The following BCORL1 variants were observed in gnomAD, a reference collection of about 807,000 sequenced individuals.
BCORL1 encodes the protein BCL-6 corepressor-like protein 1.
In BCORL1, 7 loss-of-function variants were observed where a neutral mutation model predicts 87.6. The ratio of observed to expected loss-of-function variants is 0.08; its 90% CI spans 0.05 to 0.15. The LOEUF (loss-of-function observed/expected upper bound fraction) is 0.15, where lower values mean the gene tolerates loss of function less well. Among genes scored for constraint, BCORL1 ranks in the 10% least tolerant of loss-of-function variants. BCORL1 has a pLI of 1.00. For synonymous variants in BCORL1, 591 were observed against 634.4 expected, an observed-to-expected ratio of 0.93 and a Z score of 1.03; for missense variants, 1,215 against 1,499.7, an observed-to-expected ratio of 0.81 and a Z score of 3.13.
At position 130,041,869 on chromosome X, in the gene BCORL1, C is replaced by T. The variant is rs1305936362; in HGVS notation, c.4840+2587C>T. Among the ~76,000 whole-genome samples the T allele has an allele frequency of 3.6e-5, 4 of 111,819 alleles. No individual in the cohort carries two copies. The South Asian group carries it at 1.5e-3, about 42-fold the overall frequency. The stretch of plus-strand genomic sequence containing the variant: ...GTCTCGATCTCCTGACCTCGTGATC[C>T]GCCCGCCTCGGCCTCCCAAAGTGCT... On this transcript the variant is annotated intron_variant, in intron 11 of 13. Coordinates refer to ENST00000540052, the MANE Select transcript of BCORL1 (RefSeq NM_001379451.1).
chrX:129,984,699 G>C (rs1324393158), intron 1 of BCORL1, among the ~76,000 whole-genome samples: 1 of 111,317 alleles, frequency 9.0e-6, no homozygotes, highest in Non-Finnish European at 1.9e-5. Flanking sequence ...GATTGTTGTA[G>C]GGAAAGACGT....
chrX:130,007,450 C>G (rs1424314270), intron 2 of BCORL1, among the ~76,000 whole-genome samples: 1 of 112,321 alleles, frequency 8.9e-6, no homozygotes, highest in African/African-American at 3.2e-5. Context: ...TCATGTTGAC[C>G]TAGTTATAAG....
chrX:130,047,844 C>T (rs1347257395), intron 11 of BCORL1, among the ~76,000 whole-genome samples: 1 of 111,391 alleles, frequency 9.0e-6, no homozygotes, highest in African/African-American at 3.3e-5. Flanking sequence ...AGGCATGGTC[C>T]CTGTCTTTTT....
At chrX:130,002,441 C>G (rs369819263) in intron 1 of BCORL1, among the ~76,000 whole-genome samples, 6 of 102,767 alleles carry the variant, frequency 5.8e-5, no homozygotes. Context: ...GTGGGGGAAG[C>G]CAGAGAGAGC....
At chrX:130,029,650 T>TC (rs1199688437) in intron 8 of BCORL1, among the ~76,000 whole-genome samples, 1 of 105,091 alleles carries the variant, frequency 9.5e-6, no homozygotes, top group East Asian at 3.0e-4. Flanking sequence ...TTTTTTTTTT[T>TC]CTCTCTCTCT....
chrX:130,012,659 T>C lies in BCORL1; in HGVS notation c.168T>C (p.Ser56=). The C allele has an allele frequency of 8.3e-7, 1 of 1,208,979 alleles. No individual in the cohort carries two copies. The highest frequency in any genetic ancestry group is 1.1e-6 in the Non-Finnish European group (1 of 893,604). ...CTCAGGAGTTTTGTGTCAGCAGCAG[T>C]TTTTCCAAGGTAAGAGGCTTTATGG... ...FGSQEFCVSS[S]FSKVELTAVG... The change falls in exon 3 of 14, where the codon AGT becomes AGC. Residue 56 remains serine (S), a synonymous_variant. Coordinates refer to ENST00000540052, the MANE Select transcript of BCORL1 (RefSeq NM_001379451.1).
At chrX:130,054,548 TGAGA>T (rs1251368582) in intron 13 of BCORL1, among the ~76,000 whole-genome samples, 1 of 109,835 alleles carries the variant, frequency 9.1e-6, no homozygotes, top group South Asian at 3.9e-4. Flanking sequence ...TGTGTGTGTG[TGAGA>T]GAGAGACAGA....
At chrX:129,989,967 G>C (rs1274049994) in intron 1 of BCORL1, among the ~76,000 whole-genome samples, 1 of 109,216 alleles carries the variant, frequency 9.2e-6, no homozygotes, top group Non-Finnish European at 1.9e-5. Flanking sequence ...TGTATTTTTA[G>C]TAGAGATGGG....
rs1483534837 is a variant in BCORL1, at chrX:130,057,402, C to G, written c.*1266C>G. The G allele has an allele frequency of 1.1e-4, 12 of 111,837 alleles. No homozygotes were observed. In the East Asian group the frequency reaches 1.1e-3, roughly 11 times the overall value. 9.2% of individuals were successfully genotyped at this position (111,837 alleles called of 1,213,427 possible). ...TCTGGGCCTCCAGCGCTGGGTTTGTCGAGTGAGAGAGAGAGAGGAGCTTGG... is the reference window on the plus strand; with the variant it reads ...TCTGGGCCTCCAGCGCTGGGTTTGTGGAGTGAGAGAGAGAGAGGAGCTTGG... On this transcript the variant is annotated 3_prime_UTR_variant, in exon 14 of 14. Transcript: ENST00000540052.
upstream of BCORL1, chrX:129,981,307 T>G (rs939862851): frequency 2.7e-5 from 3 of 111,327 alleles, no homozygotes; most frequent in Admixed American, 9.4e-5. Context: ...GCCTTCCCCC[T>G]TCTTCAGCCA....
At chrX:130,032,884 T>C (rs5977193) in intron 8 of BCORL1, among the ~76,000 whole-genome samples, 11,144 of 107,289 alleles carry the variant, frequency 0.1, 1,474 homozygotes, top group African/African-American at 0.36. Context: ...GCCTCAGCCT[T>C]TCGAATAGCT....
rs775528040 is a variant in BCORL1, at chrX:130,015,951, T to C, written c.3179T>C (p.Phe1060Ser). ...KMEKVDGDVV[F>S]NLATCFRADG... ...GAGAAGGTGGATGGTGATGTGGTCT[T>C]CAATTTAGCCACCTGCTTCCGGGCT... Residue 1060 changes from phenylalanine to serine, a missense_variant, in exon 4 of 14, where the codon TTC becomes TCC. By Grantham distance (155) the Phe-to-Ser change is radical. Transcript: ENST00000540052. 1.7e-6 allele frequency: 2 copies of C among 1,211,583 alleles called. No individual in the cohort carries two copies. The highest frequency in any genetic ancestry group is 2.2e-6 in the Non-Finnish European group (2 of 895,509).
intron 1 of BCORL1, among the ~76,000 whole-genome samples, chrX:129,997,290 TG>T (rs1927633530): frequency 1.8e-5 from 2 of 111,506 alleles, no homozygotes; most frequent in Non-Finnish European, 3.8e-5. Flanking sequence ...TGTTTCAGTT[TG>T]GCCCATGATG....
chrX:130,050,951 G>A (rs1932037307), intron 12 of BCORL1, among the ~76,000 whole-genome samples, 157 bp downstream of exon 12: 1 of 111,495 alleles, frequency 9.0e-6, no homozygotes, highest in Non-Finnish European at 1.9e-5. Context: ...GTCATTTGTC[G>A]AAACTGGGAA....
intron 1 of BCORL1, among the ~76,000 whole-genome samples, chrX:129,983,795 G>T (rs1187923345): frequency 1.8e-5 from 2 of 110,454 alleles, no homozygotes; most frequent in Non-Finnish European, 3.8e-5. Context: ...GCAAGCCAGA[G>T]GGGAGATCCG....
intron 1 of BCORL1, among the ~76,000 whole-genome samples, chrX:129,988,456 C>CT (rs907795763): frequency 2.5e-4 from 27 of 108,594 alleles, no homozygotes; most frequent in East Asian, 2.3e-3. Context: ...AAAAAAGGAT[C>CT]TTTTTTTTAA....
chrX:129,999,549 C>G (rs1008333088), intron 1 of BCORL1, among the ~76,000 whole-genome samples: 1 of 109,892 alleles, frequency 9.1e-6, no homozygotes, highest in Non-Finnish European at 1.9e-5. Context: ...CTCAAGTGAT[C>G]CACCTGCCTT....
In BCORL1 at chrX:130,038,831, T is replaced by C. The variant is rs762775469; in HGVS notation, c.4695-306T>C. On this transcript the variant is annotated intron_variant, in intron 10 of 13. Transcript: ENST00000540052. The stretch of plus-strand genomic sequence containing the variant: ...TGTAGGTCAGGGACCCATCCTCTAG[T>C]GAACTCCACAACTACCAATAGAGCT... Among the ~76,000 whole-genome samples the C allele has an allele frequency of 9.0e-5, 10 of 111,396 alleles. No individual in the cohort carries two copies. The South Asian group carries it at 3.7e-3, about 42-fold the overall frequency.
Position 129,996,342 on chromosome X carries a change from A to G in BCORL1, c.-44-8846A>G, listed in dbSNP as rs1251650062. Among the ~76,000 whole-genome samples the G allele has an allele frequency of 2.7e-5, 3 of 111,475 alleles. No homozygotes were observed. The East Asian group carries it at 8.5e-4, about 31-fold the overall frequency. On this transcript the variant is annotated intron_variant, in intron 1 of 13. Transcript: ENST00000540052. ...GGCTCTTTCATTTTTTAAAGTCATAATTGCTTCCAGGTCACCAGGCAGTAT... is the reference window on the plus strand; with the variant it reads ...GGCTCTTTCATTTTTTAAAGTCATAGTTGCTTCCAGGTCACCAGGCAGTAT...
Sources: allele counts gnomAD v4.1 joint callset (sites outside exome capture counted in the v4.1 genomes callset), GRCh38; gene constraint gnomAD v4.1.1; transcripts MANE v1.5; gene names NCBI Gene and HGNC (gene_info 2026-07-23, HGNC 2026-07-21).